CDC25B: variants seen among roughly 807,000 people sequenced by gnomAD.
CDC25B encodes M-phase inducer phosphatase 2.
A neutral mutation model predicts 69.8 loss-of-function variants in CDC25B; 33 were observed. The observed-to-expected ratio is 0.47, with a 90% CI of 0.36 to 0.63. The LOEUF is 0.63. CDC25B is among the 30% of genes least tolerant of loss of function. The pLI, the probability that CDC25B is intolerant of heterozygous loss-of-function variation, is 0.00. For missense variants in CDC25B, 727 were observed against 809.1 expected, an observed-to-expected ratio of 0.90 and a Z score of 1.23; for synonymous variants, 341 against 314.6, an observed-to-expected ratio of 1.08 and a Z score of -0.89.
At position 3,802,067 on chromosome 20, in the gene CDC25B, C is replaced by G. The variant is rs2089304774; in HGVS notation, c.1065C>G (p.Thr355=). 6.4e-7 allele frequency: 1 copy of G among 1,561,414 alleles called. No individual in the cohort carries two copies. Among genetic ancestry groups the G allele is most frequent in the African/African-American group, 1.4e-5 (1 of 73,438 alleles). The change falls in exon 10 of 16, where the codon ACC becomes ACG. Residue 355 remains threonine (T), a synonymous_variant. Coordinates refer to ENST00000245960, the MANE Select transcript of CDC25B (RefSeq NM_021873.4). ...AGAATAAGCGGAGGCGGAGCGTGAC[C>G]CCTCCTGAGGAGCAGCAGGAGGCTG... ...PVQNKRRRSV[T]PPEEQQEAEE...
At chr20:3,798,542 C>T (rs926705067) in intron 3 of CDC25B, 79 bp downstream of exon 3, 9 of 1,209,622 alleles carry the variant, frequency 7.4e-6, no homozygotes, top group African/African-American at 3.1e-5. Context: ...TAAATTCACC[C>T]GGGAGGCCTG....
At chr20:3,799,267 G>C (rs2089175900) in intron 3 of CDC25B, among the ~76,000 whole-genome samples, 2 of 152,196 alleles carry the variant, frequency 1.3e-5, no homozygotes, top group Admixed American at 1.3e-4. Context: ...GGAGAGGATT[G>C]GGTGGGGTTG....
upstream of CDC25B, among the ~76,000 whole-genome samples, chr20:3,793,561 T>C (rs1334641445): frequency 7.0e-6 from 1 of 142,586 alleles, no homozygotes; most frequent in Non-Finnish European, 1.5e-5. Flanking sequence ...TTTTTTTTTT[T>C]GGTTTTAGAG....
At chr20:3,798,183 C>A (rs11569985) in intron 2 of CDC25B, among the ~76,000 whole-genome samples, 39 of 152,240 alleles carry the variant, frequency 2.6e-4, no homozygotes, top group African/African-American at 9.4e-4. Flanking sequence ...TTTAAAGACG[C>A]ATATGAAGGA....
intron 11 of CDC25B, 22 bp downstream of exon 11, chr20:3,802,398 G>T: frequency 6.4e-7 from 1 of 1,556,396 alleles, no homozygotes; most frequent in African/African-American, 1.4e-5. Flanking sequence ...AGCGAAGGGG[G>T]TACCTTGGGG....
Position 3,796,481 on chromosome 20 carries a change from T to C in CDC25B, c.-51T>C, listed in dbSNP as rs1372535933. 1.6e-6 allele frequency: 2 copies of C among 1,256,366 alleles called. No individual in the cohort carries two copies. The highest frequency in any genetic ancestry group is 2.0e-6 in the Non-Finnish European group (2 of 982,534). The allele number at this position is 1,256,366 out of a possible 1,614,324, so 77.8% of individuals were successfully genotyped here. On this transcript the variant is annotated 5_prime_UTR_variant, in exon 1 of 16. Coordinates refer to ENST00000245960, the MANE Select transcript of CDC25B (RefSeq NM_021873.4). ...CCCAGCCAGCTGTGCCGGCGTTTGT[T>C]GGCTGCCCTGCGCCCGGCCCTCCAG...
chr20:3,799,197 C>T (rs540660600), intron 3 of CDC25B, among the ~76,000 whole-genome samples: 15 of 152,304 alleles, frequency 9.8e-5, no homozygotes, highest in African/African-American at 3.6e-4. Context: ...CTTGTCTTAC[C>T]TCCCATTGCC....
In CDC25B at chr20:3,796,659, C is replaced by T. The variant is rs777925717; in HGVS notation, c.128C>T (p.Pro43Leu). The change falls in exon 1 of 16, where the codon CCG becomes CTG. Residue 43 changes from proline (P) to leucine (L), a missense_variant. Around this residue, in one of 2 missense-constraint regions of CDC25B, gnomAD observed 368 missense variants for 345.6 expected, o/e 1.06. Coordinates refer to ENST00000245960, the MANE Select transcript of CDC25B (RefSeq NM_021873.4). ...LLGSHGLLGS[P>L]VRAAASSPVT... ...GGATCTCATGGCCTCCTGGGGTCCC[C>T]GGTGCGGGCGGCCGCTTCCTCGCCG... 7 of 1,500,358 alleles carry T rather than the reference C, an allele frequency of 4.7e-6. No individual in the cohort carries two copies. The highest frequency in any genetic ancestry group is 4.5e-5 in the Admixed American group (2 of 44,846). The allele number at this position is 1,500,358 out of a possible 1,614,324, so 92.9% of individuals were successfully genotyped here.
rs550851634 is a variant in CDC25B, at chr20:3,800,511, G to C, written c.459+13G>C. 6.8e-6 allele frequency: 11 copies of C among 1,613,948 alleles called. No individual in the cohort carries two copies. The Admixed American group carries it at 1.5e-4, about 22-fold the overall frequency. ...CCAGTCTATGCCGGTGAGTGTCTTCGAGGCCTGACTGAGGCTTAGGCATGC... is the reference window on the plus strand; with the variant it reads ...CCAGTCTATGCCGGTGAGTGTCTTCCAGGCCTGACTGAGGCTTAGGCATGC... On this transcript the variant is annotated intron_variant, in intron 5 of 15. Transcript: ENST00000245960.
At position 3,796,511 on chromosome 20, in the gene CDC25B, C is replaced by T. The variant is rs1200638300; in HGVS notation, c.-21C>T. 2.0e-6 allele frequency: 3 copies of T among 1,484,856 alleles called. No individual in the cohort carries two copies. Among genetic ancestry groups the T allele is most frequent in the East Asian group, 5.7e-5 (2 of 34,838 alleles). The allele number at this position is 1,484,856 out of a possible 1,614,324, so 92.0% of individuals were successfully genotyped here. A position where few individuals can be genotyped will look rare whatever the true frequency, so the allele number is the denominator to read the frequency against. On this transcript the variant is annotated 5_prime_UTR_variant, in exon 1 of 16. Transcript: ENST00000245960. ...GCCCTGCGCCCGGCCCTCCAGCCAG[C>T]CTTCTGCCGGCCCCGCCGCGATGGA...
intron 2 of CDC25B, 58 bp from the exon 3 acceptor site, chr20:3,798,354 G>C: frequency 1.5e-5 from 12 of 782,040 alleles, no homozygotes; most frequent in Non-Finnish European, 2.3e-5. Context: ...GGGACATGGT[G>C]GGGGAAAGAA....
intron 8 of CDC25B, 74 bp from the exon 9 acceptor site, chr20:3,801,648 G>A: frequency 7.8e-7 from 1 of 1,281,226 alleles, no homozygotes; most frequent in Non-Finnish European, 1.1e-6. Context: ...AGGCTGTGCT[G>A]GAGGATTCCG....
chr20:3,796,370 CCTCT>C lies in CDC25B; in HGVS notation c.-160_-157del. 7.8e-7 allele frequency: 1 copy of C among 1,284,732 alleles called. No individual in the cohort carries two copies. The highest frequency in any genetic ancestry group is 9.9e-7 in the Non-Finnish European group (1 of 1,013,946). 79.6% of individuals were successfully genotyped at this position (1,284,732 alleles called of 1,614,324 possible). A position where few individuals can be genotyped will look rare whatever the true frequency, so the allele number is the denominator to read the frequency against. On this transcript the variant is annotated 5_prime_UTR_variant, in exon 1 of 16. Transcript: ENST00000245960. ...CCTCGCCCCCCGCCCTCCCCGCATC[CCTCT>C]CCTCCCTCGCGCCTGGCCCTGTGGC...
At chr20:3,796,178 C>A (rs1023560056), upstream of CDC25B, 281 of 1,159,684 alleles carry the variant, frequency 2.4e-4, no homozygotes, top group Non-Finnish European at 2.9e-4. Flanking sequence ...ATCCAGCCTC[C>A]GCGCCTCTTG....
intron 3 of CDC25B, among the ~76,000 whole-genome samples, chr20:3,799,279 G>A (rs1299278438): frequency 6.6e-6 from 1 of 152,182 alleles, no homozygotes; most frequent in Admixed American, 6.5e-5. Context: ...GTGGGGTTGG[G>A]GGACTGCAGG....
intron 11 of CDC25B, 48 bp downstream of exon 11, chr20:3,802,424 G>A (rs766305011): frequency 1.5e-6 from 2 of 1,330,670 alleles, no homozygotes; most frequent in South Asian, 2.4e-5. Flanking sequence ...ACCTCTTACT[G>A]ACTAGGGGTC....
chr20:3,791,093 T>C (rs1261823004), intron 1 of CDC25B, among the ~76,000 whole-genome samples: 1 of 152,184 alleles, frequency 6.6e-6, no homozygotes, highest in African/African-American at 2.4e-5. Context: ...CAAGCAGGCA[T>C]CCCCACCTGA....
rs757050439 is a variant in CDC25B, at chr20:3,801,752, A to C, written c.871A>C (p.Ser291Arg). ...TGATGCAGTTCCCCCAGGCATGGAGAGTCTCATTAGTGCCCCACTGGTCAA... is the reference window on the plus strand; with the variant it reads ...TGATGCAGTTCCCCCAGGCATGGAGCGTCTCATTAGTGCCCCACTGGTCAA... Reference protein sequence around the residue: ...DDDAVPPGMESLISAPLVKTL... With the variant: ...DDDAVPPGMERLISAPLVKTL... The change falls in exon 9 of 16, where the codon AGT becomes CGT. Residue 291 changes from serine (S) to arginine (R), a missense_variant. Transcript: ENST00000245960. 6.2e-7 allele frequency: 1 copy of C among 1,607,748 alleles called. No individual in the cohort carries two copies. The highest frequency in any genetic ancestry group is 8.5e-7 in the Non-Finnish European group (1 of 1,177,432).
Position 3,805,639 on chromosome 20 carries a change from C to T in CDC25B, c.*678C>T, listed in dbSNP as rs1326725747. On this transcript the variant is annotated 3_prime_UTR_variant, in exon 16 of 16. Coordinates refer to ENST00000245960, the MANE Select transcript of CDC25B (RefSeq NM_021873.4). ...GTCAAATATCAGTTACCCACTCGGT[C>T]CCAGTTTTGTTGCCCCAGAAAGGGA... is the stretch of plus-strand genomic sequence containing the variant. The T allele has an allele frequency of 5.4e-6, 2 of 368,166 alleles. No homozygotes were observed. The highest frequency in any genetic ancestry group is 9.8e-6 in the Non-Finnish European group (2 of 203,202). 22.8% of individuals were successfully genotyped at this position (368,166 alleles called of 1,614,324 possible). A position where few individuals can be genotyped will look rare whatever the true frequency, so the allele number is the denominator to read the frequency against.
Sources: allele counts gnomAD v4.1 joint callset (sites outside exome capture counted in the v4.1 genomes callset), GRCh38; gene constraint gnomAD v4.1.1; regional missense constraint gnomAD v4.1.1; transcripts MANE v1.5; gene names NCBI Gene and HGNC (gene_info 2026-07-23, HGNC 2026-07-21).